Variants in THSD4 observed in about 807,000 individuals in gnomAD.
THSD4 encodes thrombospondin type-1 domain-containing protein 4.
THSD4 carries 69 observed loss-of-function variants against 119.0 expected under a neutral mutation model. That is an observed-to-expected ratio of 0.58 (90% CI 0.48 to 0.71). The LOEUF is 0.71. Among genes scored for constraint, THSD4 ranks in the 30% least tolerant of loss-of-function variants. The pLI, the probability that THSD4 is intolerant of heterozygous loss-of-function variation, is 0.00. For synonymous variants in THSD4, 524 were observed against 540.4 expected, an observed-to-expected ratio of 0.97 and a Z score of 0.42; for missense variants, 1,393 against 1,391.1, an observed-to-expected ratio of 1.00 and a Z score of -0.02.
At chr15:71,258,469 G>A (rs111918314) in intron 6 of THSD4, among the ~76,000 whole-genome samples, 3,055 of 152,196 alleles carry the variant, frequency 0.02, 104 homozygotes, top group African/African-American at 0.069. Flanking sequence ...GTGAGCCACC[G>A]CACCCAGCCT....
At chr15:71,457,431 C>G in intron 7 of THSD4, among the ~76,000 whole-genome samples, 1 of 150,132 alleles carries the variant, frequency 6.7e-6, no homozygotes, top group East Asian at 2.0e-4. Flanking sequence ...GTGTTTCCAA[C>G]CTTGCCCATT....
At chr15:71,744,596 C>A (rs1234381054) in intron 11 of THSD4, among the ~76,000 whole-genome samples, 1 of 152,144 alleles carries the variant, frequency 6.6e-6, no homozygotes, top group Non-Finnish European at 1.5e-5. Context: ...CAGGTACTTT[C>A]ATTCCAGTTT....
At chr15:71,603,409 C>T (rs1033138180) in intron 7 of THSD4, among the ~76,000 whole-genome samples, 4 of 152,216 alleles carry the variant, frequency 2.6e-5, no homozygotes, top group Admixed American at 6.5e-5. Context: ...GGCTCCACCC[C>T]GTTCTCCCAG....
At chr15:71,480,505 C>T (rs563694740) in intron 7 of THSD4, among the ~76,000 whole-genome samples, 1 of 152,122 alleles carries the variant, frequency 6.6e-6, no homozygotes, top group Non-Finnish European at 1.5e-5. Flanking sequence ...AATATTGCTG[C>T]GTAACAACTA....
intron 7 of THSD4, among the ~76,000 whole-genome samples, chr15:71,544,714 A>T (rs531844476): frequency 6.6e-6 from 1 of 152,368 alleles, no homozygotes; most frequent in Non-Finnish European, 1.5e-5. Context: ...AGCCATGGTC[A>T]TAGAAGCATT....
chr15:71,597,657 A>T (rs962701001), intron 7 of THSD4, among the ~76,000 whole-genome samples: 9 of 152,326 alleles, frequency 5.9e-5, no homozygotes, highest in African/African-American at 2.2e-4. Flanking sequence ...CCTAGTTCTG[A>T]TGACTTAGTT....
At chr15:71,321,863 TATAGTC>T (rs1267034367) in intron 6 of THSD4, among the ~76,000 whole-genome samples, 5 of 152,108 alleles carry the variant, frequency 3.3e-5, no homozygotes, top group African/African-American at 1.2e-4. Context: ...ATTAAAATAT[TATAGTC>T]AATTCAATAT....
chr15:71,660,491 A>G (rs559060475), intron 7 of THSD4, 39 bp from the exon 8 acceptor site: 9 of 1,612,374 alleles, frequency 5.6e-6, no homozygotes, highest in Non-Finnish European at 6.8e-6. Flanking sequence ...CATGCTCCTG[A>G]TACATACTAT....
At chr15:71,401,526 A>G (rs1051936978) in intron 6 of THSD4, among the ~76,000 whole-genome samples, 1 of 152,116 alleles carries the variant, frequency 6.6e-6, no homozygotes, top group Admixed American at 6.5e-5. Context: ...TTATCTGTAA[A>G]TAATACTTAT....
chr15:71,669,971 T>C (rs753714758), intron 8 of THSD4, among the ~76,000 whole-genome samples: 10 of 152,364 alleles, frequency 6.6e-5, no homozygotes, highest in Non-Finnish European at 1.3e-4. Flanking sequence ...CAGTGACTGC[T>C]TAACAAACCT....
intron 7 of THSD4, among the ~76,000 whole-genome samples, chr15:71,523,227 G>A (rs1366642269): frequency 2.6e-5 from 4 of 152,196 alleles, no homozygotes; most frequent in Non-Finnish European, 4.4e-5. Context: ...AAGGCCAGCA[G>A]GGCTGTGCTG....
Position 71,728,554 on chromosome 15 carries a change from A to G in THSD4, c.1363A>G (p.Arg455Gly), listed in dbSNP as rs1567122701. 6.2e-7 allele frequency: 1 copy of G among 1,614,080 alleles called. No homozygotes were observed. Among genetic ancestry groups the G allele is most frequent in the Non-Finnish European group, 8.5e-7 (1 of 1,179,970 alleles). ...TGTCTGATTTTTCTCAACAGCCCTGAGAAGTCGTTCTGGACGCTCCATCAT... is the reference window on the plus strand; with the variant it reads ...TGTCTGATTTTTCTCAACAGCCCTGGGAAGTCGTTCTGGACGCTCCATCAT... ...MYKSNNYLAL[R>G]SRSGRSIING... Residue 455 changes from arginine (R) to glycine (G), a missense_variant, in exon 9 of 18, where the codon AGA (arginine) becomes GGA (glycine). Arg to Gly is a moderately radical substitution (Grantham distance 125). Coordinates refer to ENST00000261862, the MANE Select transcript of THSD4 (RefSeq NM_024817.3).
At chr15:71,200,203 A>C (rs1215314991) in intron 3 of THSD4, among the ~76,000 whole-genome samples, 3 of 151,998 alleles carry the variant, frequency 2.0e-5, no homozygotes, top group African/African-American at 7.3e-5. Context: ...CTTCTCACAT[A>C]GGTCTGTTGT....
chr15:71,603,581 A>G (rs1449484737), intron 7 of THSD4, among the ~76,000 whole-genome samples: 3 of 152,196 alleles, frequency 2.0e-5, no homozygotes, highest in African/African-American at 4.8e-5. Context: ...GCACCCCGCC[A>G]TGGTCAGGAG....
chr15:71,572,892 A>G (rs1027033113), intron 7 of THSD4, among the ~76,000 whole-genome samples: 14 of 152,088 alleles, frequency 9.2e-5, no homozygotes, highest in African/African-American at 3.1e-4. Flanking sequence ...AGGGTTAGGT[A>G]TGTGCCAGGT....
chr15:71,279,255 A>G (rs1272902179), intron 6 of THSD4, among the ~76,000 whole-genome samples: 2 of 152,182 alleles, frequency 1.3e-5, no homozygotes, highest in Admixed American at 6.5e-5. Context: ...ATTTGTACTT[A>G]AGGTTACGTA....
intron 8 of THSD4, among the ~76,000 whole-genome samples, chr15:71,696,702 G>A (rs1255760906): frequency 2.6e-5 from 4 of 152,120 alleles, no homozygotes; most frequent in African/African-American, 9.7e-5. Flanking sequence ...ATACCTTGAG[G>A]ACAGAGAGTT....
intron 3 of THSD4, chr15:71,165,227 G>T: frequency 1.3e-6 from 2 of 1,550,126 alleles, no homozygotes; most frequent in Non-Finnish European, 1.8e-6. Context: ...GTCCACCTTT[G>T]CCATATCTTG....
chr15:71,528,237 A>G (rs1336546882), intron 7 of THSD4, among the ~76,000 whole-genome samples: 1 of 152,158 alleles, frequency 6.6e-6, no homozygotes, highest in African/African-American at 2.4e-5. Context: ...GTCAGTGATA[A>G]GAATGAGAGG....
Sources: gnomAD v4.1 joint callset for allele counts (sites outside exome capture counted in the v4.1 genomes callset) on GRCh38, gnomAD v4.1.1 for gene constraint, MANE v1.5 for transcripts, NCBI Gene and HGNC (gene_info 2026-07-23, HGNC 2026-07-21) for gene names.